The following CEBPZ variants were observed in gnomAD, a reference collection of about 807,000 sequenced individuals.
CEBPZ encodes CCAAT enhancer binding protein zeta.
A neutral mutation model predicts 104.5 loss-of-function variants in CEBPZ; 78 were observed. That is an observed-to-expected ratio of 0.75 (90% confidence interval 0.62 to 0.90). CEBPZ has a LOEUF of 0.90. Ranked by LOEUF, CEBPZ falls within the 40% of genes least tolerant of loss-of-function variation. The pLI, the probability that CEBPZ is intolerant of heterozygous loss-of-function variation, is 0.00. For synonymous variants in CEBPZ, 470 were observed against 427.0 expected, an observed-to-expected ratio of 1.10 and a Z score of -1.24; for missense variants, 1,439 against 1,233.5, an observed-to-expected ratio of 1.17 and a Z score of -2.50.
chr2:37,218,016 C>T (rs1406642714), intron 5 of CEBPZ, among the ~76,000 whole-genome samples: 1 of 151,444 alleles, frequency 6.6e-6, no homozygotes. Context: ...GCCTGTAATC[C>T]CAGCATTTTG....
Position 37,228,498 on chromosome 2 carries a change from G to C in CEBPZ, c.695C>G (p.Ser232Cys). The C allele has an allele frequency of 6.2e-7, 1 of 1,614,224 alleles. No individual in the cohort carries two copies. ...SKTNSQKGAS[S>C]TWMKAIVSSG... ...TGACACAATTGCCTTCATCCAGGTA[G>C]AAGAGGCTCCCTTTTGACTATTCGT... Residue 232 changes from serine (S) to cysteine (C), a missense_variant, in exon 2 of 16, where the codon TCT (serine) becomes TGT (cysteine). Transcript: ENST00000234170.
At chr2:37,226,979 C>T (rs745423798) in intron 2 of CEBPZ, among the ~76,000 whole-genome samples, 4 of 152,160 alleles carry the variant, frequency 2.6e-5, no homozygotes, top group African/African-American at 7.2e-5. Flanking sequence ...TGTTTACCAC[C>T]GCTCCCCTCT....
rs1677271519 is a variant in CEBPZ at position 37,202,042 on chromosome 2, T to A, written c.3026-139A>T. 9.1e-6 allele frequency: 5 copies of A among 551,352 alleles called. 1 individual carries two copies. In the South Asian group the frequency reaches 1.8e-4, roughly 19 times the overall value. The allele number at this position is 551,352 out of a possible 1,614,324, so 34.2% of individuals were successfully genotyped here. A position where few individuals can be genotyped will look rare whatever the true frequency, so the allele number is the denominator to read the frequency against. ...CCACCCACTATACAAACCCACTGCT[T>A]GTTTGTTGCTTTTCTTCTCATATTT... On this transcript the variant is annotated intron_variant, in intron 15 of 15. Transcript: ENST00000234170.
rs529877693 is a variant in CEBPZ, at chr2:37,227,692, C to T, written c.1501G>A (p.Asp501Asn). Reference sequence around the variant, plus strand: ...TCAATCTGCTCCCTTACTTTGTCATCACCAGTCTGGGAATAAGGGTATGCC... The same window carrying T: ...TCAATCTGCTCCCTTACTTTGTCATTACCAGTCTGGGAATAAGGGTATGCC... Reference protein sequence around the residue: ...NRAYPYSQTGDDKVREQIDTL... With the variant: ...NRAYPYSQTGNDKVREQIDTL... The change falls in exon 2 of 16, where the codon GAT becomes AAT. Residue 501 changes from aspartate to asparagine, a missense_variant. Coordinates refer to ENST00000234170, the MANE Select transcript of CEBPZ (RefSeq NM_005760.3). 1 of 1,614,194 alleles carries T rather than the reference C, an allele frequency of 6.2e-7. No individual in the cohort carries two copies. Among genetic ancestry groups the T allele is most frequent in the South Asian group, 1.1e-5 (1 of 91,088 alleles).
Position 37,227,793 on chromosome 2 carries a change from C to G in CEBPZ, c.1400G>C (p.Cys467Ser). The G allele has an allele frequency of 3.7e-6, 6 of 1,613,702 alleles. No homozygotes were observed. Among genetic ancestry groups the G allele is most frequent in the Non-Finnish European group, 5.1e-6 (6 of 1,179,956 alleles). The part of the protein sequence containing the change: ...LANKLITVYF[C>S]FFRTCVKKKD... ...TTTTTTGACACAAGTCCGAAAAAAGCAAAAGTAAACAGTTATTAATTTGTT... is the reference window on the plus strand; with the variant it reads ...TTTTTTGACACAAGTCCGAAAAAAGGAAAAGTAAACAGTTATTAATTTGTT... Residue 467 changes from cysteine to serine, a missense_variant, in exon 2 of 16, where the codon TGC becomes TCC. Physicochemically the swap from Cys to Ser is moderately radical, Grantham distance 112. Transcript: ENST00000234170.
At chr2:37,223,708 A>G (rs1298237554) in intron 2 of CEBPZ, among the ~76,000 whole-genome samples, 2 of 152,226 alleles carry the variant, frequency 1.3e-5, no homozygotes, top group African/African-American at 4.8e-5. Flanking sequence ...CAGTATTTAC[A>G]GAACCCCACC....
At position 37,216,306 on chromosome 2, in the gene CEBPZ, A is replaced by G; in HGVS notation, c.2311+10T>C. 2 of 1,611,042 alleles carry G rather than the reference A, an allele frequency of 1.2e-6. No homozygotes were observed. The highest frequency in any genetic ancestry group is 1.3e-5 in the African/African-American group (1 of 74,926). On this transcript the variant is annotated intron_variant, in intron 7 of 15. Coordinates refer to ENST00000234170, the MANE Select transcript of CEBPZ (RefSeq NM_005760.3). ...ATGAAAGCCAAATAATTCACTAAAT[A>G]GAAGCATACCTTTGCCTTTATGGGG...
At chr2:37,213,321 A>C (rs1677784996) in intron 10 of CEBPZ, 1 of 152,382 alleles carries the variant, frequency 6.6e-6, no homozygotes, top group Non-Finnish European at 1.5e-5. Flanking sequence ...GCAAATATAA[A>C]TGTTTTCTTA....
intron 4 of CEBPZ, among the ~76,000 whole-genome samples, chr2:37,221,965 G>A (rs529127069): frequency 6.6e-6 from 1 of 152,148 alleles, no homozygotes; most frequent in African/African-American, 2.4e-5. Flanking sequence ...TGAACAGAAA[G>A]TTTTCTATCC....
intron 1 of CEBPZ, among the ~76,000 whole-genome samples, chr2:37,229,460 G>A (rs1664980174): frequency 1.3e-5 from 2 of 152,174 alleles, no homozygotes; most frequent in African/African-American, 4.8e-5. Flanking sequence ...CTGAGGTTTA[G>A]ACAAATCCAC....
At chr2:37,206,341 G>A (rs1181820883) in intron 13 of CEBPZ, among the ~76,000 whole-genome samples, 1 of 152,190 alleles carries the variant, frequency 6.6e-6, no homozygotes, top group Non-Finnish European at 1.5e-5. Context: ...AATGCTGAAA[G>A]GAGTTCTAAA....
rs751180231 is a variant in CEBPZ, at chr2:37,216,143, G to A, written c.2377C>T (p.Pro793Ser). ...KHFIKDIRHL[P>S]VNSKEFLAKE... is the part of the protein sequence containing the mutation. ...ACTGTCTAAGGTTTATACTTACCAGGAAGATGACGAATATCCTTAATAAAA... is the reference window on the plus strand; with the variant it reads ...ACTGTCTAAGGTTTATACTTACCAGAAAGATGACGAATATCCTTAATAAAA... The change falls in exon 8 of 16, where the codon CCT becomes TCT. Residue 793 changes from proline to serine, a missense_variant. By Grantham distance (74) the Pro-to-Ser change is moderately conservative. Transcript: ENST00000234170. The A allele has an allele frequency of 3.1e-6, 5 of 1,608,104 alleles. No individual in the cohort carries two copies. The highest frequency in any genetic ancestry group is 4.3e-6 in the Non-Finnish European group (5 of 1,175,934).
chr2:37,229,133 A>C (rs1248772154), intron 1 of CEBPZ, 97 bp from the exon 2 acceptor site: 2 of 1,121,218 alleles, frequency 1.8e-6, no homozygotes, highest in Admixed American at 7.3e-5. Context: ...ATAATTTCGG[A>C]ACTGGAAAAA....
At chr2:37,209,578 T>C (rs1181829882) in intron 13 of CEBPZ, 2 of 152,220 alleles carry the variant, frequency 1.3e-5, no homozygotes. Flanking sequence ...CTGGGATAAC[T>C]GGCAAGCCAC....
chr2:37,209,878 T>C (rs1677663716), intron 13 of CEBPZ: 3 of 152,088 alleles, frequency 2.0e-5, no homozygotes, highest in African/African-American at 7.2e-5. Flanking sequence ...TCGTAAACTA[T>C]GCATCTGAGA....
intron 3 of CEBPZ, 106 bp downstream of exon 3, chr2:37,223,064 T>A: frequency 1.1e-6 from 1 of 883,760 alleles, no homozygotes; most frequent in Non-Finnish European, 1.7e-6. Flanking sequence ...CTCACACTCA[T>A]ATGCTCCAGA....
intron 13 of CEBPZ, chr2:37,209,648 T>G (rs988870022): frequency 5.3e-5 from 8 of 152,170 alleles, no homozygotes; most frequent in African/African-American, 1.9e-4. Flanking sequence ...TCAAGATGGA[T>G]CGAAGACTTA....
In CEBPZ at chr2:37,228,088, C is replaced by T; in HGVS notation, c.1105G>A (p.Ala369Thr). 6.2e-7 allele frequency: 1 copy of T among 1,614,196 alleles called. No homozygotes were observed. Among genetic ancestry groups the T allele is most frequent in the East Asian group, 2.2e-5 (1 of 44,890 alleles). Residue 369 changes from alanine to threonine, a missense_variant, in exon 2 of 16, where the codon GCT becomes ACT. Ala to Thr is a moderately conservative substitution (Grantham distance 58). Transcript: ENST00000234170. ...VTTKTRALTVAHELLCNKPEE... is the reference protein window; with the variant it reads ...VTTKTRALTVTHELLCNKPEE... ...GGCTTGTTACAAAGCAGCTCATGAG[C>T]CACGGTAAGGGCTCGAGTTTTAGTG...
Position 37,220,520 on chromosome 2 carries a change from G to C in CEBPZ, c.2066-47C>G, listed in dbSNP as rs773918833. ...CGATTTCTCAAATGCTTTCTTCCTA[G>C]CCCAAGAGGTCATTAAAAGCACCAC... is the stretch of plus-strand genomic sequence containing the variant. On this transcript the variant is annotated intron_variant, in intron 4 of 15. Transcript: ENST00000234170. The C allele has an allele frequency of 1.4e-5, 14 of 985,348 alleles. No individual in the cohort carries two copies. In the Admixed American group the frequency reaches 3.1e-4, roughly 22 times the overall value. 61.0% of individuals were successfully genotyped at this position (985,348 alleles called of 1,614,324 possible).
Sources: gnomAD v4.1 joint callset for allele counts (sites outside exome capture counted in the v4.1 genomes callset) on GRCh38, gnomAD v4.1.1 for gene constraint, MANE v1.5 for transcripts, NCBI Gene and HGNC (gene_info 2026-07-23, HGNC 2026-07-21) for gene names.